ST3GAL3: variants seen among roughly 807,000 people sequenced by gnomAD.
The protein encoded by ST3GAL3 is ST3 beta-galactoside alpha-2,3-sialyltransferase 3.
In ST3GAL3, 21 loss-of-function variants were observed where a neutral mutation model predicts 50.1. That is an observed-to-expected ratio of 0.42 (90% CI 0.30 to 0.60). ST3GAL3 has a LOEUF of 0.60. Among genes scored for constraint, ST3GAL3 ranks in the 20% least tolerant of loss-of-function variants. The pLI, the probability that ST3GAL3 is intolerant of heterozygous loss-of-function variation, is 0.19. For synonymous variants in ST3GAL3, 183 were observed against 190.0 expected, an observed-to-expected ratio of 0.96 and a Z score of 0.30; for missense variants, 353 against 489.4, an observed-to-expected ratio of 0.72 and a Z score of 2.63.
chr1:43,847,498 C>T (rs1184340911), intron 5 of ST3GAL3, among the ~76,000 whole-genome samples: 2 of 152,118 alleles, frequency 1.3e-5, no homozygotes, highest in Non-Finnish European at 2.9e-5. Context: ...GAATGAACCT[C>T]GAGGACATTA....
At chr1:43,775,858 C>G (rs1241935463) in intron 2 of ST3GAL3, among the ~76,000 whole-genome samples, 3 of 151,970 alleles carry the variant, frequency 2.0e-5, no homozygotes, top group Admixed American at 2.0e-4. Context: ...ATGACTTTCA[C>G]TGATCTTCCT....
rs756428954 is a variant in ST3GAL3 at position 43,792,127 on chromosome 1, C to T, written c.144C>T (p.Ser48=). ...DSNSVVLSFD[S]AGQTLGSEYD... is the part of the protein sequence containing the mutation. Reference sequence around the variant, plus strand: ...ATTCAGTGGTTCTTTCCTTTGACTCCGCTGGACAAACACTAGGCTCAGGTA... The same window carrying T: ...ATTCAGTGGTTCTTTCCTTTGACTCTGCTGGACAAACACTAGGCTCAGGTA... Residue 48 remains serine, a synonymous_variant, in exon 3 of 12, where the codon TCC becomes TCT. Transcript: ENST00000347631. 1.7e-5 allele frequency: 28 copies of T among 1,614,174 alleles called. 1 individual carries two copies. In the Middle Eastern group the frequency reaches 8.2e-4, roughly 48 times the overall value.
intron 3 of ST3GAL3, among the ~76,000 whole-genome samples, chr1:43,813,126 AG>A (rs1248427118): frequency 6.6e-6 from 1 of 152,128 alleles, no homozygotes; most frequent in Admixed American, 6.5e-5. Context: ...CTGACATTTG[AG>A]TTTGCAACCA....
rs2077932773 is a variant in ST3GAL3 at position 43,899,557 on chromosome 1, G to T, written c.574G>T (p.Val192Leu). Residue 192 changes from valine (V) to leucine (L), a missense_variant, in exon 9 of 12, where the codon GTG becomes TTG. Val to Leu is a conservative substitution (Grantham distance 32, BLOSUM62 1). Coordinates refer to ENST00000347631, the MANE Select transcript of ST3GAL3 (RefSeq NM_006279.5). This position sits in a 1 kb window ranked among gnomAD's most constrained non-coding sequence, Gnocchi z 5.4. ...TCTCTGTAGACTGAATTCAGCACCA[G>T]TGAAAGGCTTTGAGAAGGACGTGGG... ...DIVVRLNSAPVKGFEKDVGSK... is the reference protein window; with the variant it reads ...DIVVRLNSAPLKGFEKDVGSK... The T allele has an allele frequency of 6.2e-7, 1 of 1,613,396 alleles. No individual in the cohort carries two copies. Among genetic ancestry groups the T allele is most frequent in the Non-Finnish European group, 8.5e-7 (1 of 1,180,042 alleles).
intron 2 of ST3GAL3, among the ~76,000 whole-genome samples, chr1:43,759,192 T>A (rs1174492569): frequency 6.6e-6 from 1 of 151,636 alleles, no homozygotes; most frequent in Non-Finnish European, 1.5e-5. Flanking sequence ...ACGCCTGTAA[T>A]CCCAGCACTT....
chr1:43,803,537 A>G (rs6670344), intron 3 of ST3GAL3, among the ~76,000 whole-genome samples: 137,765 of 152,292 alleles, frequency 0.9, 62,560 homozygotes, highest in African/African-American at 0.97. Context: ...CAACGGTGTC[A>G]TTTTCTTTTA....
rs955334716 is a variant in ST3GAL3 at position 43,921,041 on chromosome 1, G to A, written c.1038+113G>A. ...TCTGGCTGCCCAGAACTCCCCAGAA[G>A]GTCCTGACACCAAGCATCCTACGTG... On this transcript the variant is annotated intron_variant, in intron 11 of 11. Coordinates refer to ENST00000347631, the MANE Select transcript of ST3GAL3 (RefSeq NM_006279.5). 7.7e-6 allele frequency: 10 copies of A among 1,290,424 alleles called. No homozygotes were observed. In the South Asian group the frequency reaches 1.2e-4, roughly 16 times the overall value. 79.9% of individuals were successfully genotyped at this position (1,290,424 alleles called of 1,614,324 possible). A position where few individuals can be genotyped will look rare whatever the true frequency, so the allele number is the denominator to read the frequency against.
intron 5 of ST3GAL3, among the ~76,000 whole-genome samples, chr1:43,885,888 T>C (rs12072172): frequency 0.045 from 6,809 of 152,036 alleles, 186 homozygotes; most frequent in East Asian, 0.13. Context: ...TTCAGCTTGA[T>C]AAGAATGAAA....
chr1:43,755,577 G>A (rs1459377520), intron 2 of ST3GAL3, among the ~76,000 whole-genome samples: 1 of 152,142 alleles, frequency 6.6e-6, no homozygotes, highest in Non-Finnish European at 1.5e-5. Context: ...TTTCCTTCCT[G>A]GGGTGGGGGT....
chr1:43,811,118 A>G (rs990544399), intron 3 of ST3GAL3, among the ~76,000 whole-genome samples: 1 of 152,186 alleles, frequency 6.6e-6, no homozygotes, highest in African/African-American at 2.4e-5. Flanking sequence ...ATCTGAAGTA[A>G]TAAAAATTCC....
At chr1:43,788,518 G>C (rs2057635313) in intron 2 of ST3GAL3, among the ~76,000 whole-genome samples, 1 of 152,152 alleles carries the variant, frequency 6.6e-6, no homozygotes, top group Non-Finnish European at 1.5e-5. Context: ...GTGAGGCCAG[G>C]TTTGGACCCC....
chr1:43,824,867 G>A, intron 4 of ST3GAL3: 2 of 891,800 alleles, frequency 2.2e-6, no homozygotes, highest in Non-Finnish European at 3.8e-6. Context: ...CACAGCCTTT[G>A]CATTAGGATT....
chr1:43,865,556 A>T (rs745975086), intron 5 of ST3GAL3, among the ~76,000 whole-genome samples: 1 of 152,196 alleles, frequency 6.6e-6, no homozygotes, highest in Non-Finnish European at 1.5e-5. Context: ...GTAATACATA[A>T]TCCTTACCCC....
chr1:43,855,117 C>T (rs551458365), intron 5 of ST3GAL3, among the ~76,000 whole-genome samples: 65 of 152,318 alleles, frequency 4.3e-4, no homozygotes, highest in African/African-American at 1.5e-3. Flanking sequence ...GCATAAGTTA[C>T]ATAAAACCTC....
At chr1:43,817,512 T>C (rs1007645375) in intron 4 of ST3GAL3, among the ~76,000 whole-genome samples, 1 of 149,638 alleles carries the variant, frequency 6.7e-6, no homozygotes. Flanking sequence ...TTTTTCCTTC[T>C]TCTTCATTCT....
intron 9 of ST3GAL3, chr1:43,920,072 C>T: frequency 2.5e-6 from 1 of 393,458 alleles, no homozygotes; most frequent in South Asian, 2.2e-5. Context: ...AGCTGCACTG[C>T]TGGGTCTTCT....
chr1:43,897,077 C>A (rs2077494740), intron 6 of ST3GAL3, among the ~76,000 whole-genome samples: 1 of 146,672 alleles, frequency 6.8e-6, no homozygotes. Flanking sequence ...TCATACACCA[C>A]ATTTAATCTG....
At chr1:43,883,733 G>A (rs803679) in intron 5 of ST3GAL3, among the ~76,000 whole-genome samples, 109,221 of 152,132 alleles carry the variant, frequency 0.72, 39,823 homozygotes, top group Non-Finnish European at 0.79. Context: ...TTCCTCTGCC[G>A]TTGATGGGGG....
chr1:43,731,689 G>A (rs1347248088), intron 1 of ST3GAL3, among the ~76,000 whole-genome samples: 3 of 150,080 alleles, frequency 2.0e-5, no homozygotes, highest in South Asian at 2.1e-4. Flanking sequence ...GAGCCACTGC[G>A]CCCGGCCTAA....
Sources: gnomAD v4.1 joint callset for allele counts (sites outside exome capture counted in the v4.1 genomes callset) on GRCh38, gnomAD v4.1.1 for gene constraint, Gnocchi (gnomAD v3.1) non-coding constraint, MANE v1.5 for transcripts, NCBI Gene and HGNC (gene_info 2026-07-23, HGNC 2026-07-21) for gene names.